FOXP2: variants seen among roughly 807,000 people sequenced by gnomAD.
The protein encoded by FOXP2 is forkhead box protein P2.
A neutral mutation model predicts 115.8 loss-of-function variants in FOXP2; 12 were observed. That is an observed-to-expected ratio of 0.10 (90% CI 0.07 to 0.17). The LOEUF (loss-of-function observed/expected upper bound fraction) is 0.17, where lower values mean the gene tolerates loss of function less well. Ranked by LOEUF, FOXP2 falls within the 10% of genes least tolerant of loss-of-function variation. FOXP2 has a pLI of 1.00. For synonymous variants in FOXP2, 328 were observed against 297.7 expected (o/e 1.10, Z -1.05); for missense variants, 629 against 843.5 (o/e 0.75, Z 3.15).
At chr7:114,514,041 A>G (rs1256800411) in intron 2 of FOXP2, among the ~76,000 whole-genome samples, 1 of 151,828 alleles carries the variant, frequency 6.6e-6, no homozygotes, top group Non-Finnish European at 1.5e-5. Flanking sequence ...GTGTATATCT[A>G]TATATCACTA....
chr7:114,426,551 T>C lies in FOXP2; in HGVS notation c.40T>C (p.Ser14Pro). The change falls in exon 2 of 17, where the codon TCA (serine) becomes CCA (proline). Residue 14 changes from serine (S) to proline (P), a missense_variant. Physicochemically the swap from Ser to Pro is moderately conservative, Grantham distance 74 (BLOSUM62 -1). Transcript: ENST00000350908. ...ESATETISNS[S>P]MNQNGMSTLS... ...TGCGACAGAGACAATAAGCAACAGTTCAATGAATCAAAATGGAATGAGCAC... is the reference window on the plus strand; with the variant it reads ...TGCGACAGAGACAATAAGCAACAGTCCAATGAATCAAAATGGAATGAGCAC... 6.2e-7 allele frequency: 1 copy of C among 1,611,388 alleles called. No homozygotes were observed. Among genetic ancestry groups the C allele is most frequent in the Non-Finnish European group, 8.5e-7 (1 of 1,178,254 alleles).
At chr7:114,671,387 A>G (rs961571928) in intron 16 of FOXP2, among the ~76,000 whole-genome samples, 4 of 152,056 alleles carry the variant, frequency 2.6e-5, no homozygotes, top group African/African-American at 9.7e-5. Context: ...GTGGGTTCCT[A>G]TAGGGTTTTG....
At chr7:114,538,456 T>G (rs1799499772) in intron 3 of FOXP2, 1 of 835,672 alleles carries the variant, frequency 1.2e-6, no homozygotes, top group African/African-American at 1.8e-5. Context: ...TCATTGTAGG[T>G]TAATATATAA....
rs137930348 is a variant in FOXP2 at position 114,128,096 on chromosome 7, A to G, written c.-246-34848A>G. 4.3e-3 allele frequency among the ~76,000 whole-genome samples: 662 copies of G among 152,322 alleles called. 3 individuals carry two copies. Among genetic ancestry groups the G allele is most frequent in the African/African-American group, 0.015 (636 of 41,582 alleles). ...GGCTAATGATTGAACTGGTTTGAAT[A>G]ATGATCAGAGATCTGCATGTGGTAA... On this transcript the variant is annotated intron_variant, in intron 1 of 19. Transcript: ENST00000635638.
intron 1 of FOXP2, among the ~76,000 whole-genome samples, chr7:114,423,643 GT>G (rs1793713304): frequency 6.6e-6 from 1 of 151,434 alleles, no homozygotes; most frequent in Non-Finnish European, 1.5e-5. Context: ...ATTTAGCTTG[GT>G]ATGTTTCGGA....
chr7:114,651,680 T>A (rs538211424), intron 8 of FOXP2, among the ~76,000 whole-genome samples: 1 of 152,216 alleles, frequency 6.6e-6, no homozygotes, highest in African/African-American at 2.4e-5. Context: ...AGTTCTTTAT[T>A]ACTAACAGCA....
intron 2 of FOXP2, among the ~76,000 whole-genome samples, chr7:114,382,416 C>T (rs1584681795): frequency 6.6e-6 from 1 of 152,092 alleles, no homozygotes; most frequent in East Asian, 1.9e-4. Context: ...TCCAGTGATT[C>T]CCTTGACATA....
intron 1 of FOXP2, among the ~76,000 whole-genome samples, chr7:114,165,956 C>T (rs1156922523): frequency 6.6e-6 from 1 of 152,148 alleles, no homozygotes; most frequent in Non-Finnish European, 1.5e-5. Flanking sequence ...AATGGACCCA[C>T]ACAAATATAG....
intron 1 of FOXP2, among the ~76,000 whole-genome samples, chr7:114,111,920 C>T (rs981905812): frequency 1.3e-5 from 2 of 151,724 alleles, no homozygotes; most frequent in African/African-American, 2.4e-5. Context: ...CAAAGATTGT[C>T]ATGAGAAAAA....
intron 2 of FOXP2, among the ~76,000 whole-genome samples, chr7:114,331,557 G>A (rs117991564): frequency 1.2e-4 from 19 of 152,254 alleles, no homozygotes; most frequent in Non-Finnish European, 2.6e-4. Context: ...AAACGTGTCA[G>A]CTTCTTCTCA....
At chr7:114,129,434 T>C (rs545437875) in intron 1 of FOXP2, among the ~76,000 whole-genome samples, 1 of 152,336 alleles carries the variant, frequency 6.6e-6, no homozygotes, top group African/African-American at 2.4e-5. Context: ...GCAAATAGTC[T>C]GTTAGCCACT....
chr7:114,609,558 A>G (rs1390462615), intron 3 of FOXP2, among the ~76,000 whole-genome samples: 1 of 152,184 alleles, frequency 6.6e-6, no homozygotes, highest in African/African-American at 2.4e-5. Flanking sequence ...TCTTCGATAT[A>G]GAATGTCTTT....
At chr7:114,086,980 GTC>G (rs1331574213), upstream of FOXP2, among the ~76,000 whole-genome samples, 4 of 152,198 alleles carry the variant, frequency 2.6e-5, no homozygotes, top group East Asian at 7.7e-4. Context: ...GAGAATGTGT[GTC>G]GAAACACCAG....
At chr7:114,132,335 T>C (rs183328277) in intron 1 of FOXP2, among the ~76,000 whole-genome samples, 97 of 152,250 alleles carry the variant, frequency 6.4e-4, no homozygotes, top group African/African-American at 2.2e-3. Flanking sequence ...CCTTGAACCT[T>C]TCACCATTAA....
intron 16 of FOXP2, among the ~76,000 whole-genome samples, chr7:114,677,196 C>A (rs890232403): frequency 6.2e-4 from 85 of 137,584 alleles, no homozygotes; most frequent in Non-Finnish European, 8.5e-4. Flanking sequence ...ACAAAAAAAA[C>A]AAACTTAAGA....
chr7:114,395,338 T>C (rs1281852718), intron 2 of FOXP2, among the ~76,000 whole-genome samples: 1 of 152,112 alleles, frequency 6.6e-6, no homozygotes, highest in Non-Finnish European at 1.5e-5. Context: ...TGGAGGCACA[T>C]TGAGAAAAAT....
At chr7:114,384,991 T>G (rs533728525) in intron 2 of FOXP2, among the ~76,000 whole-genome samples, 25 of 151,724 alleles carry the variant, frequency 1.6e-4, no homozygotes, top group African/African-American at 5.3e-4. Context: ...TTTTTTTAAC[T>G]ATTTCTATCT....
chr7:114,168,212 T>A (rs549837886), intron 1 of FOXP2, among the ~76,000 whole-genome samples: 2 of 152,242 alleles, frequency 1.3e-5, no homozygotes, highest in East Asian at 3.9e-4. Context: ...GTGGAAGTTA[T>A]TTTGGAACTG....
At chr7:114,375,756 A>G (rs1792123859) in intron 2 of FOXP2, among the ~76,000 whole-genome samples, 1 of 152,156 alleles carries the variant, frequency 6.6e-6, no homozygotes, top group African/African-American at 2.4e-5. Context: ...TAGATAGTCT[A>G]GCATGAGCTT....
Sources: allele counts gnomAD v4.1 joint callset (sites outside exome capture counted in the v4.1 genomes callset), GRCh38; gene constraint gnomAD v4.1.1; transcripts MANE v1.5; gene names NCBI Gene and HGNC (gene_info 2026-07-23, HGNC 2026-07-21).